SERINC5: variants seen among roughly 807,000 people sequenced by gnomAD.
SERINC5 encodes serine incorporator 5.
A neutral mutation model predicts 63.1 loss-of-function variants in SERINC5; 41 were observed. The ratio of observed to expected loss-of-function variants is 0.65; its 90% CI spans 0.51 to 0.84. The LOEUF is 0.84. SERINC5 is among the 40% of genes least tolerant of loss of function. SERINC5 has a pLI of 0.00. For missense variants in SERINC5, 523 were observed against 573.0 expected (o/e 0.91, Z 0.89); for synonymous variants, 222 against 215.2 (o/e 1.03, Z -0.28).
intron 5 of SERINC5, among the ~76,000 whole-genome samples, chr5:80,170,710 G>A (rs1233247426): frequency 2.0e-5 from 3 of 152,174 alleles, no homozygotes; most frequent in Non-Finnish European, 2.9e-5. Flanking sequence ...GCCCCGAAGC[G>A]CCATAGTCTC....
chr5:80,197,972 T>G, intron 2 of SERINC5, among the ~76,000 whole-genome samples: 1 of 152,086 alleles, frequency 6.6e-6, no homozygotes, highest in East Asian at 1.9e-4. Context: ...CCTGAGTAGC[T>G]GGGACTACAG....
At chr5:80,222,632 G>A (rs1334462991) in intron 1 of SERINC5, among the ~76,000 whole-genome samples, 2 of 151,832 alleles carry the variant, frequency 1.3e-5, no homozygotes, top group East Asian at 3.9e-4. Context: ...GAGTGCAATG[G>A]AGCGATCTCG....
In SERINC5 at chr5:80,140,934, T is replaced by C. The variant is rs529576519; in HGVS notation, c.*2729A>G. The C allele has an allele frequency of 1.0e-6, 1 of 985,374 alleles. No homozygotes were observed. Among genetic ancestry groups the C allele is most frequent in the South Asian group, 4.7e-5 (1 of 21,288 alleles). 61.0% of individuals were successfully genotyped at this position (985,374 alleles called of 1,614,324 possible). On this transcript the variant is annotated 3_prime_UTR_variant, in exon 12 of 12. Transcript: ENST00000507668. ...AGGTGTAGGAAGCAAATGTCTATTA[T>C]TTTTAAAAGATATCAGTGAGTTAAT...
intron 1 of SERINC5, among the ~76,000 whole-genome samples, chr5:80,251,272 A>T (rs1752399585): frequency 2.1e-5 from 3 of 144,890 alleles, no homozygotes; most frequent in Admixed American, 1.5e-4. Flanking sequence ...GCTAGATCCC[A>T]TCTTTAAATA....
chr5:80,172,424 T>G (rs1426701513), intron 5 of SERINC5, among the ~76,000 whole-genome samples: 2 of 152,162 alleles, frequency 1.3e-5, no homozygotes, highest in African/African-American at 4.8e-5. Context: ...GTCATCTGCC[T>G]TATGATTAAA....
intron 1 of SERINC5, among the ~76,000 whole-genome samples, chr5:80,254,153 A>AT (rs1442278174): frequency 1.3e-5 from 2 of 152,034 alleles, no homozygotes; most frequent in Admixed American, 6.5e-5. Context: ...CCAACTCCTG[A>AT]TCTCAGGTGA....
intron 1 of SERINC5, among the ~76,000 whole-genome samples, chr5:80,243,115 C>T (rs1183603805): frequency 6.6e-6 from 1 of 152,140 alleles, no homozygotes; most frequent in Admixed American, 6.5e-5. Flanking sequence ...TAGAGAGAAC[C>T]CCTGGTCTTT....
chr5:80,178,550 T>G (rs974178300), intron 2 of SERINC5, among the ~76,000 whole-genome samples: 2 of 140,508 alleles, frequency 1.4e-5, no homozygotes, highest in African/African-American at 5.3e-5. Context: ...TTTTTTTTTT[T>G]TTTTTTTTTT....
At chr5:80,204,691 G>A (rs1413060797) in intron 1 of SERINC5, among the ~76,000 whole-genome samples, 1 of 152,154 alleles carries the variant, frequency 6.6e-6, no homozygotes, top group African/African-American at 2.4e-5. Context: ...CTAAGAGCAA[G>A]AGAAGAAGCC....
chr5:80,126,971 A>G (rs1310591926), intron 11 of SERINC5, among the ~76,000 whole-genome samples: 2 of 152,230 alleles, frequency 1.3e-5, no homozygotes, highest in Admixed American at 6.5e-5. Flanking sequence ...CTTTCAAAGA[A>G]GAAGATTAAA....
In SERINC5 at chr5:80,163,942, T is replaced by C. The variant is rs76552694; in HGVS notation, c.859+2441A>G. ...ATTTTTTGGCACAATTTCAGGAGGA[T>C]TGGTATTAGTTCTCCCTTATATGTT... On this transcript the variant is annotated intron_variant, in intron 7 of 11. Coordinates refer to ENST00000507668, the MANE Select transcript of SERINC5 (RefSeq NM_001174072.3). Among the ~76,000 whole-genome samples the C allele has an allele frequency of 4.9e-3, 753 of 152,296 alleles. 5 individuals are homozygous for C. Among genetic ancestry groups the C allele is most frequent in the African/African-American group, 0.017 (712 of 41,562 alleles).
chr5:80,141,085 GTA>G lies in SERINC5; in HGVS notation c.*2576_*2577del, dbSNP rs1745478273. 9 of 985,274 alleles carry G rather than the reference GTA, an allele frequency of 9.1e-6. No homozygotes were observed. Among genetic ancestry groups the G allele is most frequent in the Non-Finnish European group, 1.1e-5 (9 of 829,830 alleles). The allele number at this position is 985,274 out of a possible 1,614,324, so 61.0% of individuals were successfully genotyped here. A position where few individuals can be genotyped will look rare whatever the true frequency, so the allele number is the denominator to read the frequency against. On this transcript the variant is annotated 3_prime_UTR_variant, in exon 12 of 12. Transcript: ENST00000507668. ...AATGTTGACTCCTCACCTGAGTATT[GTA>G]TATCACAATTAATAACCATTAACAT...
intron 11 of SERINC5, among the ~76,000 whole-genome samples, chr5:80,121,563 A>T (rs1744544160): frequency 6.6e-6 from 1 of 152,004 alleles, no homozygotes. Flanking sequence ...TCTAAACTAT[A>T]TCATACACTT....
rs1340113159 is a variant in SERINC5 at position 80,169,503 on chromosome 5, C to A, written c.595G>T (p.Ala199Ser). 10 of 1,613,738 alleles carry A rather than the reference C, an allele frequency of 6.2e-6. No individual in the cohort carries two copies. The highest frequency in any genetic ancestry group is 7.6e-6 in the Non-Finnish European group (9 of 1,179,858). Residue 199 changes from alanine to serine, a missense_variant, in exon 6 of 12, where the codon GCC becomes TCC. Transcript: ENST00000507668. ...GAATACATGATGAGCGTCACCAGGG[C>A]CAGGGAGGCGTACCACAGCTTGTTA... Reference protein sequence around the residue: ...ASNKLWYASLALVTLIMYSIA... With the variant: ...ASNKLWYASLSLVTLIMYSIA...
At chr5:80,174,168 C>T (rs139024955) in intron 5 of SERINC5, among the ~76,000 whole-genome samples, 1 of 151,828 alleles carries the variant, frequency 6.6e-6, no homozygotes, top group African/African-American at 2.4e-5. Flanking sequence ...CAAGATCAGC[C>T]TGGGCGACGT....
At chr5:80,233,765 AAAGTTTAC>A (rs1237862703) in intron 1 of SERINC5, among the ~76,000 whole-genome samples, 3 of 151,170 alleles carry the variant, frequency 2.0e-5, no homozygotes, top group African/African-American at 4.9e-5. Flanking sequence ...AATGCTTTGT[AAAGTTTAC>A]AGGAAGTATT....
chr5:80,232,856 T>C (rs945606058), intron 1 of SERINC5, among the ~76,000 whole-genome samples: 1 of 151,992 alleles, frequency 6.6e-6, no homozygotes, highest in Admixed American at 6.6e-5. Context: ...ACATACTAAG[T>C]TAAAGAAGTA....
chr5:80,199,216 GAACATAT>G (rs1749682896), intron 2 of SERINC5, among the ~76,000 whole-genome samples: 1 of 152,166 alleles, frequency 6.6e-6, no homozygotes, highest in Non-Finnish European at 1.5e-5. Flanking sequence ...TCGTAGCTAA[GAACATAT>G]TCAGACCAGA....
intron 1 of SERINC5, among the ~76,000 whole-genome samples, chr5:80,225,290 A>G (rs886301179): frequency 6.6e-6 from 1 of 152,194 alleles, no homozygotes; most frequent in Admixed American, 6.5e-5. Context: ...ATCCACCTCT[A>G]TTATAATGAG....
Sources: gnomAD v4.1 joint callset for allele counts (sites outside exome capture counted in the v4.1 genomes callset) on GRCh38, gnomAD v4.1.1 for gene constraint, MANE v1.5 for transcripts, NCBI Gene and HGNC (gene_info 2026-07-23, HGNC 2026-07-21) for gene names.